The following SPTBN5 variants were observed in gnomAD, a reference collection of about 807,000 sequenced individuals.
The protein encoded by SPTBN5 is spectrin beta, non-erythrocytic 5, also known as spectrin beta chain, non-erythrocytic 5.
Under a neutral mutation model 477.6 loss-of-function variants are expected in SPTBN5, and 513 were observed. The observed-to-expected ratio is 1.07, with a 90% confidence interval of 1.00 to 1.16. The LOEUF (loss-of-function observed/expected upper bound fraction) is 1.16, where lower values mean the gene tolerates loss of function less well. Among genes scored for constraint, SPTBN5 ranks in the 50% most tolerant of loss-of-function variants. SPTBN5 has a pLI of 0.00. For synonymous variants in SPTBN5, 2,169 were observed against 2,011.7 expected (o/e 1.08, Z -2.09); for missense variants, 5,062 against 4,731.8 (o/e 1.07, Z -2.05).
intron 54 of SPTBN5, 21 bp downstream of exon 54, chr15:41,855,528 G>T (rs1433346205): frequency 1.2e-6 from 2 of 1,605,056 alleles, no homozygotes; most frequent in Admixed American, 3.4e-5. Context: ...CTCCTTCGCG[G>T]ATGGTGTGGC....
chr15:41,879,232 C>T lies in SPTBN5; in HGVS notation c.3182+28G>A, dbSNP rs767945579. ...CGCCTTCCCATGGTCCTCACTGCCTCCCAATGCCACCACTGCGCTGGCCGT... is the reference window on the plus strand; with the variant it reads ...CGCCTTCCCATGGTCCTCACTGCCTTCCAATGCCACCACTGCGCTGGCCGT... On this transcript the variant is annotated intron_variant, in intron 16 of 67. Coordinates refer to ENST00000320955, the MANE Select transcript of SPTBN5 (RefSeq NM_016642.4). 5 of 1,588,404 alleles carry T rather than the reference C, an allele frequency of 3.1e-6. No homozygotes were observed. The South Asian group carries it at 3.4e-5, about 11-fold the overall frequency.
chr15:41,861,344 G>T, intron 46 of SPTBN5, 75 bp downstream of exon 46: 2 of 1,333,126 alleles, frequency 1.5e-6, no homozygotes, highest in Non-Finnish European at 2.2e-6. Context: ...GGGAGCTCAG[G>T]CAGCACTGGC....
In SPTBN5 at chr15:41,865,908, G is replaced by T; in HGVS notation, c.6823-5C>A. On this transcript the variant is annotated splice_polypyrimidine_tract_variant and splice_region_variant and intron_variant, in intron 38 of 67. Coordinates refer to ENST00000320955, the MANE Select transcript of SPTBN5 (RefSeq NM_016642.4). Reference sequence around the variant, plus strand: ...ACCAACATTCATCTTCACCTCCTGTGAAGGCCGAGGGTGGGGAGGGAGCGC... The same window carrying T: ...ACCAACATTCATCTTCACCTCCTGTTAAGGCCGAGGGTGGGGAGGGAGCGC... 1 of 1,568,222 alleles carries T rather than the reference G, an allele frequency of 6.4e-7. No homozygotes were observed. Among genetic ancestry groups the T allele is most frequent in the Non-Finnish European group, 8.6e-7 (1 of 1,156,708 alleles).
At chr15:41,854,404 G>C (rs1053505644) in intron 56 of SPTBN5, among the ~76,000 whole-genome samples, 199 bp from the exon 57 acceptor site, 1 of 151,818 alleles carries the variant, frequency 6.6e-6, no homozygotes, top group African/African-American at 2.4e-5. Flanking sequence ...AGGCCAGGGG[G>C]TGGGGAGGGT....
chr15:41,851,045 GTC>G lies in SPTBN5; in HGVS notation c.10835+12_10835+13del, dbSNP rs2065740238. 3 of 1,608,804 alleles carry G rather than the reference GTC, an allele frequency of 1.9e-6. No homozygotes were observed. Among genetic ancestry groups the G allele is most frequent in the South Asian group, 1.1e-5 (1 of 90,102 alleles). On this transcript the variant is annotated intron_variant, in intron 65 of 67. Transcript: ENST00000320955. The stretch of plus-strand genomic sequence containing the variant: ...TGCTGGGGGTGATGCCGGAGTCCAT[GTC>G]TCTCCGCTCACCTTAAGGAGAATGT...
chr15:41,854,826 C>A lies in SPTBN5; in HGVS notation c.9574G>T (p.Ala3192Ser). Residue 3192 changes from alanine to serine, a missense_variant, in exon 56 of 68, where the codon GCT becomes TCT. By Grantham distance (99) the Ala-to-Ser change is moderately conservative. Transcript: ENST00000320955. ...HIQAQRSRIE[A>S]AWERLDQAIK... ...GCTTGGTCCAACCTCTCCCAAGCAG[C>A]CTCAATGCGGCTCCTCTGGGCTTGG... The A allele has an allele frequency of 1.3e-6, 2 of 1,590,246 alleles. No homozygotes were observed. Among genetic ancestry groups the A allele is most frequent in the Admixed American group, 1.8e-5 (1 of 55,224 alleles).
At position 41,893,264 on chromosome 15, in the gene SPTBN5, A is replaced by G; in HGVS notation, c.216+18T>C. The stretch of plus-strand genomic sequence containing the variant: ...GCCTGGTATGGGTGGGCTGTGGGTC[A>G]CAGCTGGCTATACTCACCTGGCCGC... On this transcript the variant is annotated intron_variant, in intron 2 of 67. Transcript: ENST00000320955. 1 of 1,613,710 alleles carries G rather than the reference A, an allele frequency of 6.2e-7. No individual in the cohort carries two copies. The highest frequency in any genetic ancestry group is 8.5e-7 in the Non-Finnish European group (1 of 1,179,798).
Position 41,869,992 on chromosome 15 carries a change from C to G in SPTBN5, c.5702G>C (p.Arg1901Thr). ...QLQELLETAG[R>T]VQKLCPGPQA... ...AGGCCCCGGACACAGCTTCTGCACCCTGCCTGCAGTCTCCAGCAGTTCCTG... is the reference window on the plus strand; with the variant it reads ...AGGCCCCGGACACAGCTTCTGCACCGTGCCTGCAGTCTCCAGCAGTTCCTG... The change falls in exon 32 of 68, where the codon AGG (arginine) becomes ACG (threonine). Residue 1901 changes from arginine (R) to threonine (T), a missense_variant. Transcript: ENST00000320955. The G allele has an allele frequency of 6.6e-7, 1 of 1,518,682 alleles. No individual in the cohort carries two copies. The highest frequency in any genetic ancestry group is 8.8e-7 in the Non-Finnish European group (1 of 1,132,078). The allele number at this position is 1,518,682 out of a possible 1,614,324, so 94.1% of individuals were successfully genotyped here.
chr15:41,870,512 C>T lies in SPTBN5; in HGVS notation c.5496G>A (p.Ala1832=), dbSNP rs781138140. 3.5e-5 allele frequency: 56 copies of T among 1,611,780 alleles called. 1 individual carries two copies. In the Middle Eastern group the frequency reaches 9.9e-4, roughly 28 times the overall value. The change falls in exon 30 of 68, where the codon GCG becomes GCA. Residue 1832 remains alanine (A), a synonymous_variant. Transcript: ENST00000320955. ...TGAGGGTGGTCTCGGTGTCTCGGAGCGCGTGGCCTCGGGCCTGGGTCAGCT... is the reference window on the plus strand; with the variant it reads ...TGAGGGTGGTCTCGGTGTCTCGGAGTGCGTGGCCTCGGGCCTGGGTCAGCT... ...LWELTQARGH[A]LRDTETTLRV...
chr15:41,864,146 T>C (rs2066218624), intron 39 of SPTBN5, 122 bp from the exon 40 acceptor site: 3 of 810,808 alleles, frequency 3.7e-6, no homozygotes, highest in Non-Finnish European at 3.9e-6. Flanking sequence ...ATTTGGGCAG[T>C]GGGAAGAACT....
In SPTBN5 at chr15:41,857,730, C is replaced by T; in HGVS notation, c.8227-20G>A. ...TCCCTCCTGCAGCCACAACATGAAA[C>T]ACACCTTGTGGACTCAGGACTGCTG... On this transcript the variant is annotated intron_variant, in intron 49 of 67. Coordinates refer to ENST00000320955, the MANE Select transcript of SPTBN5 (RefSeq NM_016642.4). The T allele has an allele frequency of 6.4e-7, 1 of 1,555,092 alleles. No individual in the cohort carries two copies. The highest frequency in any genetic ancestry group is 8.7e-7 in the Non-Finnish European group (1 of 1,153,574).
Position 41,867,608 on chromosome 15 carries a change from A to C in SPTBN5, c.6242T>G (p.Val2081Gly). Reference protein sequence around the residue: ...SLKTSALGSSVEEVEQLIRKH... With the variant: ...SLKTSALGSSGEEVEQLIRKH... ...GCGAATCAACTGCTCTACCTCTTCCACCGAGCTCCCCAAGGCACTGGTTTT... is the reference window on the plus strand; with the variant it reads ...GCGAATCAACTGCTCTACCTCTTCCCCCGAGCTCCCCAAGGCACTGGTTTT... The change falls in exon 35 of 68, where the codon GTG (valine) becomes GGG (glycine). Residue 2081 changes from valine (V) to glycine (G), a missense_variant. By Grantham distance (109) the Val-to-Gly change is moderately radical. Coordinates refer to ENST00000320955, the MANE Select transcript of SPTBN5 (RefSeq NM_016642.4). The C allele has an allele frequency of 6.2e-7, 1 of 1,613,752 alleles. No homozygotes were observed. The highest frequency in any genetic ancestry group is 8.5e-7 in the Non-Finnish European group (1 of 1,179,888).
Position 41,855,665 on chromosome 15 carries a change from T to G in SPTBN5, c.9102A>C (p.Thr3034=), listed in dbSNP as rs550297635. ...SEDMGHSAEA[T]QALLRRLEAT... ...CCTCCAGCCGCCGCAGAAGGGCCTG[T>G]GTGGCTTCAGCACTGTGGCCCATGT... The change falls in exon 54 of 68, where the codon ACA becomes ACC. Residue 3034 remains threonine (T), a synonymous_variant. Coordinates refer to ENST00000320955, the MANE Select transcript of SPTBN5 (RefSeq NM_016642.4). 10 of 1,606,826 alleles carry G rather than the reference T, an allele frequency of 6.2e-6. No individual in the cohort carries two copies. Among genetic ancestry groups the G allele is most frequent in the Middle Eastern group, 1.7e-4 (1 of 6,046 alleles).
At chr15:41,891,307 G>A (rs2067305055) in intron 3 of SPTBN5, among the ~76,000 whole-genome samples, 1 of 152,194 alleles carries the variant, frequency 6.6e-6, no homozygotes, top group African/African-American at 2.4e-5. Flanking sequence ...GCCACTACTA[G>A]CCCTGTGGGA....
chr15:41,869,735 T>C (rs1435243662), intron 32 of SPTBN5, 106 bp downstream of exon 32: 7 of 1,228,504 alleles, frequency 5.7e-6, no homozygotes, highest in African/African-American at 1.6e-5. Flanking sequence ...CCCAAGTCCA[T>C]GCTTGTTCTC....
intron 67 of SPTBN5, 77 bp from the exon 68 acceptor site, chr15:41,848,705 C>T (rs1192909905): frequency 2.0e-6 from 3 of 1,531,108 alleles, no homozygotes; most frequent in Non-Finnish European, 1.8e-6. Context: ...CACTGGTGCC[C>T]CTGCCCTCCC....
In SPTBN5 at chr15:41,850,625, T is replaced by TG. The variant is rs2065720815; in HGVS notation, c.10921+228dup. 3 of 561,882 alleles carry TG rather than the reference T, an allele frequency of 5.3e-6. No individual in the cohort carries two copies. The African/African-American group carries it at 5.6e-5, about 11-fold the overall frequency. 34.8% of individuals were successfully genotyped at this position (561,882 alleles called of 1,614,324 possible). ...GGGCAGAACAGGACCAGGACACAGCTGGGGGTTCAAAACTGGCCCCATCTC... is the reference window on the plus strand; with the variant it reads ...GGGCAGAACAGGACCAGGACACAGCTGGGGGGTTCAAAACTGGCCCCATCTC... On this transcript the variant is annotated intron_variant, in intron 66 of 67. Coordinates refer to ENST00000320955, the MANE Select transcript of SPTBN5 (RefSeq NM_016642.4).
intron 24 of SPTBN5, 34 bp downstream of exon 24, chr15:41,874,258 G>A (rs1423893571): frequency 6.3e-7 from 1 of 1,583,212 alleles, no homozygotes; most frequent in East Asian, 2.2e-5. Flanking sequence ...GGAAGCGGAT[G>A]TCGGTAATCC....
In SPTBN5 at chr15:41,861,733, G is replaced by T; in HGVS notation, c.7737+2C>A. 6.5e-7 allele frequency: 1 copy of T among 1,541,680 alleles called. No homozygotes were observed. On this transcript the variant is annotated splice_donor_variant, in intron 45 of 67. Transcript: ENST00000320955. LOFTEE classifies it high-confidence loss of function. ...GCAGGCTGGGGATGGGACTGTGCCT[G>T]CCTGTAGCTCCAGGGCCTGCTGCAG... is the stretch of plus-strand genomic sequence containing the variant.
Sources: gnomAD v4.1 joint callset for allele counts (sites outside exome capture counted in the v4.1 genomes callset) on GRCh38, gnomAD v4.1.1 for gene constraint, MANE v1.5 for transcripts, NCBI Gene and HGNC (gene_info 2026-07-23, HGNC 2026-07-21) for gene names.